The following CBX8 variants were observed in gnomAD, a reference collection of about 807,000 sequenced individuals.
CBX8 encodes the protein chromobox protein homolog 8.
CBX8 carries 8 observed loss-of-function variants against 39.7 expected under a neutral mutation model. That is an observed-to-expected ratio of 0.20 (90% CI 0.12 to 0.36). The LOEUF (loss-of-function observed/expected upper bound fraction) is 0.36, where lower values mean the gene tolerates loss of function less well. Among genes scored for constraint, CBX8 ranks in the 10% least tolerant of loss-of-function variants. The pLI, the probability that CBX8 is intolerant of heterozygous loss-of-function variation, is 1.00. For missense variants in CBX8, 505 were observed against 529.6 expected, an observed-to-expected ratio of 0.95 and a Z score of 0.46; for synonymous variants, 268 against 219.8, an observed-to-expected ratio of 1.22 and a Z score of -1.94.
Position 79,795,528 on chromosome 17 carries a change from C to T in CBX8, c.277G>A (p.Glu93Lys), listed in dbSNP as rs757783391. ...AQAKAKAKTY[E>K]FRSDSARGIR... ...CCCCTGGCTGAGTCACTTCGAAACT[C>T]GTAAGTTTTGGCCTTTGCCTTGGCC... Residue 93 changes from glutamate to lysine, a missense_variant, in exon 5 of 5, where the codon GAG (glutamate) becomes AAG (lysine). Around this residue, in one of 3 missense-constraint regions of CBX8, gnomAD observed 456 missense variants for 389.2 expected, o/e 1.17. Transcript: ENST00000269385. The surrounding 1 kb of genome is among the most constrained non-coding windows in gnomAD (Gnocchi z 5.8). 9 of 1,533,290 alleles carry T rather than the reference C, an allele frequency of 5.9e-6. No individual in the cohort carries two copies. Among genetic ancestry groups the T allele is most frequent in the Admixed American group, 4.2e-5 (2 of 47,314 alleles). The allele number at this position is 1,533,290 out of a possible 1,614,324, so 95.0% of individuals were successfully genotyped here.
Position 79,795,766 on chromosome 17 carries a change from G to A in CBX8, c.247-208C>T, listed in dbSNP as rs1480672270. On this transcript the variant is annotated intron_variant, in intron 4 of 4. Coordinates refer to ENST00000269385, the MANE Select transcript of CBX8 (RefSeq NM_020649.3). The surrounding 1 kb of genome is among the most constrained non-coding windows in gnomAD (Gnocchi z 5.8). Reference sequence around the variant, plus strand: ...GCTGAGAGGTAGAAGGATGAGAGAAGAGGTAGAAGATTTGGCTGGAAGTAG... The same window carrying A: ...GCTGAGAGGTAGAAGGATGAGAGAAAAGGTAGAAGATTTGGCTGGAAGTAG... Among the ~76,000 whole-genome samples the A allele has an allele frequency of 5.3e-5, 8 of 152,204 alleles. No homozygotes were observed. Among genetic ancestry groups the A allele is most frequent in the East Asian group, 1.9e-4 (1 of 5,202 alleles).
At position 79,794,949 on chromosome 17, in the gene CBX8, T is replaced by G; in HGVS notation, c.856A>C (p.Lys286Gln). 2 of 1,606,412 alleles carry G rather than the reference T, an allele frequency of 1.2e-6. No homozygotes were observed. The highest frequency in any genetic ancestry group is 2.2e-5 in the South Asian group (2 of 90,166). Residue 286 changes from lysine to glutamine, a missense_variant, in exon 5 of 5, where the codon AAG becomes CAG. Around this residue, in one of 3 missense-constraint regions of CBX8, gnomAD observed 456 missense variants for 389.2 expected, o/e 1.17. Coordinates refer to ENST00000269385, the MANE Select transcript of CBX8 (RefSeq NM_020649.3). Reference sequence around the variant, plus strand: ...GCCTCCAGGAAGGCAGCCCTGTGCTTTATCACCCTGGCCGGGAAGGTGTCC... The same window carrying G: ...GCCTCCAGGAAGGCAGCCCTGTGCTGTATCACCCTGGCCGGGAAGGTGTCC... ...AVDTFPARVI[K>Q]HRAAFLEAKG...
Position 79,796,272 on chromosome 17 carries a change from A to G in CBX8, c.157T>C (p.Leu53=). The change falls in exon 3 of 5, where the codon TTG becomes CTG. Residue 53 remains leucine, a synonymous_variant. Transcript: ENST00000269385. ...EPEENILDAR[L]LAAFEERERE... The stretch of plus-strand genomic sequence containing the variant: ...TACCTTTCCTCAAAGGCTGCGAGCA[A>G]GCGAGCATCCAGGATGTTTTCCTCC... 1 of 1,614,176 alleles carries G rather than the reference A, an allele frequency of 6.2e-7. No individual in the cohort carries two copies. Among genetic ancestry groups the G allele is most frequent in the Non-Finnish European group, 8.5e-7 (1 of 1,180,018 alleles).
chr17:79,792,599 G>T lies in CBX8; in HGVS notation c.*2036C>A, dbSNP rs1346838464. The T allele has an allele frequency of 6.6e-6, 1 of 152,248 alleles. No individual in the cohort carries two copies. The highest frequency in any genetic ancestry group is 1.5e-5 in the Non-Finnish European group (1 of 68,042). The allele number at this position is 152,248 out of a possible 1,614,324, so 9.4% of individuals were successfully genotyped here. ...TAGGTAACAGACATGCCCCTTCAGT[G>T]AAGTTTCATCTGAAAATAGCATCGA... On this transcript the variant is annotated 3_prime_UTR_variant, in exon 5 of 5. Transcript: ENST00000269385.
chr17:79,795,212 T>G lies in CBX8; in HGVS notation c.593A>C (p.Lys198Thr), dbSNP rs978886942. 6.8e-6 allele frequency: 11 copies of G among 1,613,352 alleles called. No homozygotes were observed. In the Admixed American group the frequency reaches 1.3e-4, roughly 20 times the overall value. ...KPSSPGDSSKKRGPKPRKELP... is the reference protein window; with the variant it reads ...KPSSPGDSSKTRGPKPRKELP... Reference sequence around the variant, plus strand: ...CTCCTTCCGGGGCTTGGGGCCTCGCTTCTTCGAGCTGTCCCCCGGTGAGCT... The same window carrying G: ...CTCCTTCCGGGGCTTGGGGCCTCGCGTCTTCGAGCTGTCCCCCGGTGAGCT... The change falls in exon 5 of 5, where the codon AAG becomes ACG. Residue 198 changes from lysine to threonine, a missense_variant. Transcript: ENST00000269385. The surrounding 1 kb of genome is among the most constrained non-coding windows in gnomAD (Gnocchi z 5.8).
At chr17:79,796,001 C>G (rs1734774789) in intron 4 of CBX8, 56 bp downstream of exon 4, 2 of 1,540,564 alleles carry the variant, frequency 1.3e-6, no homozygotes, top group Non-Finnish European at 1.8e-6. Context: ...TCAGAGCCCC[C>G]TTCCCACAAA....
At chr17:79,796,778 C>T (rs1005709415) in intron 1 of CBX8, 152 bp downstream of exon 1, 223 of 552,526 alleles carry the variant, frequency 4.0e-4, no homozygotes, top group Admixed American at 7.1e-4. Context: ...AGGAAAGCGC[C>T]TGGGCTCAGA....
Position 79,796,087 on chromosome 17 carries a change from A to G in CBX8, c.216T>C (p.Arg72=). 2 of 1,614,186 alleles carry G rather than the reference A, an allele frequency of 1.2e-6. No individual in the cohort carries two copies. Among genetic ancestry groups the G allele is most frequent in the Non-Finnish European group, 1.7e-6 (2 of 1,180,030 alleles). Residue 72 remains arginine (R), a synonymous_variant, in exon 4 of 5, where the codon CGT becomes CGC. Transcript: ENST00000269385. ...REMELYGPKK[R]GPKPKTFLLK... ...GGAGGAAGGTTTTGGGCTTGGGTCC[A>G]CGCTTTTTGGGGCCATAGAGCTCCA...
chr17:79,796,318 A>G lies in CBX8; in HGVS notation c.114-3T>C. 6.2e-7 allele frequency: 1 copy of G among 1,614,110 alleles called. No individual in the cohort carries two copies. The highest frequency in any genetic ancestry group is 8.5e-7 in the Non-Finnish European group (1 of 1,179,986). On this transcript the variant is annotated splice_polypyrimidine_tract_variant and splice_region_variant and intron_variant, in intron 2 of 4. Transcript: ENST00000269385. Reference sequence around the variant, plus strand: ...CCTCCGGTTCCCATGTGCTGTACCTAAAGGGAATCAGGAAGAAGTGGGCAT... The same window carrying G: ...CCTCCGGTTCCCATGTGCTGTACCTGAAGGGAATCAGGAAGAAGTGGGCAT...
Position 79,793,690 on chromosome 17 carries a change from A to G in CBX8, c.*945T>C, listed in dbSNP as rs1907960831. 1 of 152,264 alleles carries G rather than the reference A, an allele frequency of 6.6e-6. No homozygotes were observed. The highest frequency in any genetic ancestry group is 2.4e-5 in the African/African-American group (1 of 41,466). The allele number at this position is 152,264 out of a possible 1,614,324, so 9.4% of individuals were successfully genotyped here. On this transcript the variant is annotated 3_prime_UTR_variant, in exon 5 of 5. Transcript: ENST00000269385. The stretch of plus-strand genomic sequence containing the variant: ...TCTCCTGGCAAAGCTAGAGGACGCG[A>G]AAAGGAAAAGTCCACCCCAACACTT...
At position 79,796,129 on chromosome 17, in the gene CBX8, G is replaced by C; in HGVS notation, c.180-6C>G. 1 of 1,614,160 alleles carries C rather than the reference G, an allele frequency of 6.2e-7. No individual in the cohort carries two copies. Among genetic ancestry groups the C allele is most frequent in the Non-Finnish European group, 8.5e-7 (1 of 1,180,014 alleles). ...AGAGCTCCATCTCTCTTTCCCTGGA[G>C]AAAGAAGAAAAGGAGAAAGGGTGCG... On this transcript the variant is annotated splice_polypyrimidine_tract_variant and splice_region_variant and intron_variant, in intron 3 of 4. Transcript: ENST00000269385.
rs775100637 is a variant in CBX8 at position 79,796,254 on chromosome 17, C to T, written c.175G>A (p.Glu59Lys). ...GGGACTTGGAAGGGTCTGTACCTTT[C>T]CTCAAAGGCTGCGAGCAAGCGAGCA... ...LDARLLAAFE[E>K]REREMELYGP... The change falls in exon 3 of 5, where the codon GAA becomes AAA. Residue 59 changes from glutamate (E) to lysine (K), a missense_variant. Coordinates refer to ENST00000269385, the MANE Select transcript of CBX8 (RefSeq NM_020649.3). The T allele has an allele frequency of 1.9e-6, 3 of 1,614,180 alleles. No homozygotes were observed. The highest frequency in any genetic ancestry group is 2.5e-6 in the Non-Finnish European group (3 of 1,180,042).
rs1211497701 is a variant in CBX8, at chr17:79,795,833, C to T, written c.246+224G>A. Among the ~76,000 whole-genome samples the T allele has an allele frequency of 6.6e-6, 1 of 152,130 alleles. No individual in the cohort carries two copies. Among genetic ancestry groups the T allele is most frequent in the Non-Finnish European group, 1.5e-5 (1 of 68,028 alleles). On this transcript the variant is annotated intron_variant, in intron 4 of 4. Transcript: ENST00000269385. This position sits in a 1 kb window ranked among gnomAD's most constrained non-coding sequence, Gnocchi z 5.8. ...CACTTTTTGCATTTGATTATTGTGT[C>T]CATTTGGGAGGGGGAGCGTAAAGGA...
chr17:79,794,220 G>T lies in CBX8; in HGVS notation c.*415C>A, dbSNP rs919839006. On this transcript the variant is annotated 3_prime_UTR_variant, in exon 5 of 5. Coordinates refer to ENST00000269385, the MANE Select transcript of CBX8 (RefSeq NM_020649.3). ...CTGTGGGAGAAGGGAGGAGGGGTGA[G>T]GTGGGCAGGCCAAGCCCCTCCAGAC... 2 of 152,274 alleles carry T rather than the reference G, an allele frequency of 1.3e-5. No homozygotes were observed. Among genetic ancestry groups the T allele is most frequent in the Non-Finnish European group, 2.9e-5 (2 of 68,222 alleles). 9.4% of individuals were successfully genotyped at this position (152,274 alleles called of 1,614,324 possible).
rs1907957667 is a variant in CBX8 at position 79,793,606 on chromosome 17, C to T, written c.*1029G>A. 6.6e-6 allele frequency: 1 copy of T among 152,234 alleles called. No homozygotes were observed. The highest frequency in any genetic ancestry group is 1.5e-5 in the Non-Finnish European group (1 of 68,048). 9.4% of individuals were successfully genotyped at this position (152,234 alleles called of 1,614,324 possible). On this transcript the variant is annotated 3_prime_UTR_variant, in exon 5 of 5. Coordinates refer to ENST00000269385, the MANE Select transcript of CBX8 (RefSeq NM_020649.3). The stretch of plus-strand genomic sequence containing the variant: ...TGTCCACCACAGAGCTGGCGGCCCG[C>T]CCTCCCCAGGCAGGGAGGCTTGTCC...
Position 79,793,402 on chromosome 17 carries a change from G to T in CBX8, c.*1233C>A, listed in dbSNP as rs1208771406. ...AAACCCCGCCTCGCCCCTCCTTCCC[G>T]TGCCCGGCCGGAGCCGCGGGGGTGA... is the stretch of plus-strand genomic sequence containing the variant. On this transcript the variant is annotated 3_prime_UTR_variant, in exon 5 of 5. Coordinates refer to ENST00000269385, the MANE Select transcript of CBX8 (RefSeq NM_020649.3). 2.6e-5 allele frequency: 4 copies of T among 152,246 alleles called. No homozygotes were observed. The allele number at this position is 152,246 out of a possible 1,614,324, so 9.4% of individuals were successfully genotyped here.
Position 79,793,238 on chromosome 17 carries a change from C to T in CBX8, c.*1397G>A, listed in dbSNP as rs1291047778. 6.6e-6 allele frequency: 1 copy of T among 152,172 alleles called. No homozygotes were observed. The highest frequency in any genetic ancestry group is 1.5e-5 in the Non-Finnish European group (1 of 68,026). 9.4% of individuals were successfully genotyped at this position (152,172 alleles called of 1,614,324 possible). ...TCCCAACTCCCGCTCCTCCCTCCCCCTTTGGCGGAGTTTGAATGTCGAGTT... is the reference window on the plus strand; with the variant it reads ...TCCCAACTCCCGCTCCTCCCTCCCCTTTTGGCGGAGTTTGAATGTCGAGTT... On this transcript the variant is annotated 3_prime_UTR_variant, in exon 5 of 5. Coordinates refer to ENST00000269385, the MANE Select transcript of CBX8 (RefSeq NM_020649.3).
chr17:79,794,850 C>G lies in CBX8; in HGVS notation c.955G>C (p.Gly319Arg), dbSNP rs752347994. The change falls in exon 5 of 5, where the codon GGC becomes CGC. Residue 319 changes from glycine to arginine, a missense_variant. By Grantham distance (125) the Gly-to-Arg change is moderately radical. Around this residue, in one of 3 missense-constraint regions of CBX8, gnomAD observed 456 missense variants for 389.2 expected, o/e 1.17. Coordinates refer to ENST00000269385, the MANE Select transcript of CBX8 (RefSeq NM_020649.3). Reference protein sequence around the residue: ...HGSGPPSSGGGLYRDMGAQGG... With the variant: ...HGSGPPSSGGRLYRDMGAQGG... ...TGGGCCCCCATGTCCCGGTACAGGC[C>G]CCCCCCAGAGCTGGGGGGGCCTGAG... 1 of 1,608,834 alleles carries G rather than the reference C, an allele frequency of 6.2e-7. No individual in the cohort carries two copies. Among genetic ancestry groups the G allele is most frequent in the African/African-American group, 1.3e-5 (1 of 74,572 alleles).
Position 79,794,935 on chromosome 17 carries a change from G to A in CBX8, c.870C>T (p.Ala290=). ...CACCCTGGCCTTTGGCCTCCAGGAA[G>A]GCAGCCCTGTGCTTTATCACCCTGG... ...FPARVIKHRA[A]FLEAKGQGAL... is the part of the protein sequence containing the mutation. The change falls in exon 5 of 5, where the codon GCC becomes GCT. Residue 290 remains alanine, a synonymous_variant. Transcript: ENST00000269385. 1 of 1,607,954 alleles carries A rather than the reference G, an allele frequency of 6.2e-7. No homozygotes were observed. Among genetic ancestry groups the A allele is most frequent in the Non-Finnish European group, 8.5e-7 (1 of 1,176,822 alleles).
Sources: allele counts gnomAD v4.1 joint callset (sites outside exome capture counted in the v4.1 genomes callset), GRCh38; gene constraint gnomAD v4.1.1; regional missense constraint gnomAD v4.1.1; non-coding constraint Gnocchi (gnomAD v3.1); transcripts MANE v1.5; gene names NCBI Gene and HGNC (gene_info 2026-07-23, HGNC 2026-07-21).